Variants in BCL2L11 observed in about 807,000 individuals in gnomAD.
BCL2L11 encodes the protein bcl-2-like protein 11.
Under a neutral mutation model 20.6 loss-of-function variants are expected in BCL2L11, and 15 were observed. The ratio of observed to expected loss-of-function variants is 0.73; its 90% CI spans 0.49 to 1.12. The LOEUF (loss-of-function observed/expected upper bound fraction) is 1.12. BCL2L11 is among the 50% of genes most tolerant of loss of function. The pLI, the probability that BCL2L11 is intolerant of heterozygous loss-of-function variation, is 0.00. For missense variants in BCL2L11, 292 were observed against 260.9 expected (o/e 1.12, Z -0.82); for synonymous variants, 108 against 92.8 (o/e 1.16, Z -0.94).
intron 3 of BCL2L11, 48 bp from the exon 4 acceptor site, chr2:111,164,074 CACCCCTCCCCA>C: frequency 1.5e-6 from 1 of 670,390 alleles, no homozygotes; most frequent in Non-Finnish European, 2.8e-6. Context: ...TATGGGCTCC[CACCCCTCCCCA>C]CCCCCAAATT....
intron 3 of BCL2L11, among the ~76,000 whole-genome samples, chr2:111,150,779 T>C (rs2077154247): frequency 6.6e-6 from 1 of 152,260 alleles, no homozygotes; most frequent in South Asian, 2.1e-4. Context: ...TTAAAAATTT[T>C]AGCCTATGTC....
At position 111,123,785 on chromosome 2, in the gene BCL2L11, C is replaced by G. The variant is rs1041372390; in HGVS notation, c.40C>G (p.Arg14Gly). The change falls in exon 2 of 4, where the codon CGA (arginine) becomes GGA (glycine). Residue 14 changes from arginine (R) to glycine (G), a missense_variant. Physicochemically the swap from Arg to Gly is moderately radical, Grantham distance 125. Transcript: ENST00000393256. ...QPSDVSSECD[R>G]EGRQLQPAER... ...TTCTGATGTAAGTTCTGAGTGTGACCGAGAAGGTAGACAATTGCAGCCTGC... is the reference window on the plus strand; with the variant it reads ...TTCTGATGTAAGTTCTGAGTGTGACGGAGAAGGTAGACAATTGCAGCCTGC... 4.6e-5 allele frequency: 67 copies of G among 1,448,766 alleles called. No individual in the cohort carries two copies. The Admixed American group carries it at 1.2e-3, about 27-fold the overall frequency. The allele number at this position is 1,448,766 out of a possible 1,614,324, so 89.7% of individuals were successfully genotyped here.
chr2:111,164,071 T>TAC, intron 3 of BCL2L11, 62 bp from the exon 4 acceptor site: 14 of 664,726 alleles, frequency 2.1e-5, no homozygotes, highest in East Asian at 3.3e-5. Flanking sequence ...AAATATGGGC[T>TAC]CCCACCCCTC....
At chr2:111,125,415 G>C (rs1224743565) in intron 2 of BCL2L11, among the ~76,000 whole-genome samples, 1 of 152,168 alleles carries the variant, frequency 6.6e-6, no homozygotes, top group East Asian at 1.9e-4. Context: ...CATTTGTCCA[G>C]ATTAGCTTGC....
chr2:111,128,624 CAGT>C (rs1401185038), intron 2 of BCL2L11: 1 of 1,311,362 alleles, frequency 7.6e-7, no homozygotes, highest in African/African-American at 1.7e-5. Flanking sequence ...TTTTTTTTAA[CAGT>C]AGTCATCCTA....
intron 2 of BCL2L11, chr2:111,128,841 A>G (rs2073263624): frequency 4.9e-6 from 7 of 1,431,672 alleles, no homozygotes; most frequent in African/African-American, 1.5e-5. Context: ...GTATTTTAAT[A>G]TTGACTTTCT....
intron 2 of BCL2L11, chr2:111,130,069 A>C (rs1174530774): frequency 2.6e-6 from 1 of 378,930 alleles, no homozygotes; most frequent in African/African-American, 2.2e-5. Flanking sequence ...GCTGGAACTC[A>C]GGGAGGATTA....
rs1387576641 is a variant in BCL2L11 at position 111,168,003 on chromosome 2, C to T, written c.*3772C>T. On this transcript the variant is annotated 3_prime_UTR_variant, in exon 4 of 4. Transcript: ENST00000393256. The stretch of plus-strand genomic sequence containing the variant: ...CCTGGTGCCTGTGTGTGTCCACTCA[C>T]GTACACGTGGGGTGGGGGAAACGTG... 2.6e-5 allele frequency: 4 copies of T among 152,690 alleles called. No homozygotes were observed. The highest frequency in any genetic ancestry group is 4.4e-5 in the Non-Finnish European group (3 of 68,072). The allele number at this position is 152,690 out of a possible 1,614,324, so 9.5% of individuals were successfully genotyped here.
In BCL2L11 at chr2:111,147,346, T is replaced by TCTCTCTCTCACA. The variant is rs760779894; in HGVS notation, c.395-2697_395-2696insTCTCTCTCACAC. Among the ~76,000 whole-genome samples, 149 of 137,398 alleles carry TCTCTCTCTCACA rather than the reference T, an allele frequency of 1.1e-3. 1 individual carries two copies. The highest frequency in any genetic ancestry group is 1.9e-3 in the African/African-American group (67 of 34,966). The allele number at this position is 137,398 out of a possible 152,430, so 90.1% of individuals were successfully genotyped here. On this transcript the variant is annotated intron_variant, in intron 2 of 3. Coordinates refer to ENST00000393256, the MANE Select transcript of BCL2L11 (RefSeq NM_138621.5). ...TCCTGTATCTCTCTCTCTCTCTCTCTCACACACACACACACACACACACAC... is the reference window on the plus strand; with the variant it reads ...TCCTGTATCTCTCTCTCTCTCTCTCTCTCTCTCTCACACACACACACACACACACACACACAC...
chr2:111,141,354 G>A (rs1303048941), intron 2 of BCL2L11, among the ~76,000 whole-genome samples: 1 of 151,638 alleles, frequency 6.6e-6, no homozygotes, highest in African/African-American at 2.4e-5. Flanking sequence ...ATGAGTTCAT[G>A]TCCTTTGTAG....
chr2:111,135,247 T>C (rs1428501364), intron 2 of BCL2L11, among the ~76,000 whole-genome samples: 1 of 152,222 alleles, frequency 6.6e-6, no homozygotes, highest in Non-Finnish European at 1.5e-5. Context: ...ACTGATTGTT[T>C]TTAAAATTAT....
chr2:111,122,312 CT>C (rs1407999399), intron 1 of BCL2L11, among the ~76,000 whole-genome samples: 1 of 152,188 alleles, frequency 6.6e-6, no homozygotes, highest in African/African-American at 2.4e-5. Flanking sequence ...AGGTGACTGG[CT>C]GTCCAGGACG....
chr2:111,136,367 C>G (rs2074890454), intron 2 of BCL2L11, among the ~76,000 whole-genome samples: 2 of 152,160 alleles, frequency 1.3e-5, no homozygotes, highest in African/African-American at 2.4e-5. Context: ...TTTCCTGGGC[C>G]TGCTTGCTGT....
chr2:111,162,136 G>A (rs939647215), intron 3 of BCL2L11, among the ~76,000 whole-genome samples: 5 of 152,208 alleles, frequency 3.3e-5, no homozygotes, highest in African/African-American at 9.7e-5. Context: ...CATACACTTC[G>A]AGCCAACAGC....
At chr2:111,129,417 C>G (rs1199872841) in intron 2 of BCL2L11, among the ~76,000 whole-genome samples, 1 of 152,054 alleles carries the variant, frequency 6.6e-6, no homozygotes. Flanking sequence ...TGTTAGTTAC[C>G]CAATTTTAAA....
At chr2:111,163,895 G>T (rs2078877129) in intron 3 of BCL2L11, among the ~76,000 whole-genome samples, 1 of 138,882 alleles carries the variant, frequency 7.2e-6, no homozygotes. Flanking sequence ...CTATTTTAAG[G>T]AGTAAATCAT....
At chr2:111,144,449 C>T (rs983053566) in intron 2 of BCL2L11, 41 of 1,548,850 alleles carry the variant, frequency 2.6e-5, no homozygotes, top group East Asian at 1.5e-4. Flanking sequence ...TAGCATTTAC[C>T]GCAAACGCTG....
chr2:111,135,704 G>A (rs1353465764), intron 2 of BCL2L11, among the ~76,000 whole-genome samples: 1 of 152,246 alleles, frequency 6.6e-6, no homozygotes, highest in Non-Finnish European at 1.5e-5. Context: ...GGCTGGGGCT[G>A]GGAGAGCCGA....
At chr2:111,142,343 C>T (rs2075956928) in intron 2 of BCL2L11, 5 of 1,550,422 alleles carry the variant, frequency 3.2e-6, no homozygotes, top group Admixed American at 3.9e-5. Flanking sequence ...CTCAGAATTG[C>T]CCTTCATAGG....
Sources: gnomAD v4.1 joint callset for allele counts (sites outside exome capture counted in the v4.1 genomes callset) on GRCh38, gnomAD v4.1.1 for gene constraint, MANE v1.5 for transcripts, NCBI Gene and HGNC (gene_info 2026-07-23, HGNC 2026-07-21) for gene names.